The following SH2D4A variants were observed in gnomAD, a reference collection of about 807,000 sequenced individuals.
SH2D4A encodes the protein SH2 domain containing 4A, also known as SH2 domain-containing protein 4A.
A neutral mutation model predicts 64.7 loss-of-function variants in SH2D4A; 70 were observed. The ratio of observed to expected loss-of-function variants is 1.08; its 90% CI spans 0.89 to 1.32. SH2D4A has a LOEUF of 1.32. SH2D4A is among the 40% of genes most tolerant of loss of function. The probability of loss-of-function intolerance (pLI) is 0.00; values close to 1 mark genes in which losing one functional copy is unlikely to be tolerated. For missense variants in SH2D4A, 706 were observed against 540.1 expected (o/e 1.31, Z -3.04); for synonymous variants, 268 against 200.7 (o/e 1.34, Z -2.83).
chr8:19,352,181 A>G (rs2052716046), intron 4 of SH2D4A, among the ~76,000 whole-genome samples: 1 of 152,238 alleles, frequency 6.6e-6, no homozygotes, highest in Non-Finnish European at 1.5e-5. Flanking sequence ...TTCTCATTTG[A>G]CAGACAGACT....
At chr8:19,391,992 G>A (rs528885854) in intron 8 of SH2D4A, among the ~76,000 whole-genome samples, 2 of 152,130 alleles carry the variant, frequency 1.3e-5, no homozygotes, top group African/African-American at 4.8e-5. Flanking sequence ...CCAGATCTCA[G>A]CTCACTGAAT....
intron 2 of SH2D4A, among the ~76,000 whole-genome samples, 172 bp downstream of exon 2, chr8:19,319,900 C>T (rs2052158948): frequency 6.6e-6 from 1 of 152,210 alleles, no homozygotes; most frequent in Non-Finnish European, 1.5e-5. Context: ...AGTCTACACA[C>T]ACACACACAG....
At chr8:19,372,542 G>A (rs2053121313) in intron 7 of SH2D4A, among the ~76,000 whole-genome samples, 2 of 152,184 alleles carry the variant, frequency 1.3e-5, no homozygotes, top group South Asian at 2.1e-4. Flanking sequence ...TGGCTGGAGA[G>A]CACATCTCAT....
chr8:19,336,214 G>A (rs1393998454), intron 4 of SH2D4A, among the ~76,000 whole-genome samples: 1 of 152,152 alleles, frequency 6.6e-6, no homozygotes, highest in Non-Finnish European at 1.5e-5. Flanking sequence ...TCAAACCCAG[G>A]TCTGCAGGAC....
intron 5 of SH2D4A, among the ~76,000 whole-genome samples, chr8:19,358,895 T>C (rs924261048): frequency 3.9e-5 from 6 of 152,034 alleles, no homozygotes; most frequent in Non-Finnish European, 8.8e-5. Context: ...CACATCTGGG[T>C]CTCCACACCT....
At chr8:19,379,862 G>A (rs898057310) in intron 8 of SH2D4A, among the ~76,000 whole-genome samples, 11 of 151,892 alleles carry the variant, frequency 7.2e-5, no homozygotes, top group African/African-American at 1.9e-4. Flanking sequence ...TCAGCCTCCC[G>A]AGCAGCTGGA....
chr8:19,389,011 T>A (rs1220962402), intron 8 of SH2D4A, among the ~76,000 whole-genome samples: 2 of 152,282 alleles, frequency 1.3e-5, no homozygotes, highest in East Asian at 1.9e-4. Flanking sequence ...AAACCCTGCA[T>A]TGACCACTTG....
At chr8:19,350,590 C>T (rs1014693734) in intron 4 of SH2D4A, among the ~76,000 whole-genome samples, 1 of 152,068 alleles carries the variant, frequency 6.6e-6, no homozygotes, top group Admixed American at 6.5e-5. Flanking sequence ...CTCAGGTGAT[C>T]CTCCCACCCT....
At position 19,313,834 on chromosome 8, in the gene SH2D4A, G is replaced by C. The variant is rs1420261157; in HGVS notation, c.-205+11G>C. 5.4e-6 allele frequency: 8 copies of C among 1,483,238 alleles called. No individual in the cohort carries two copies. Among genetic ancestry groups the C allele is most frequent in the Non-Finnish European group, 7.1e-6 (8 of 1,123,450 alleles). The allele number at this position is 1,483,238 out of a possible 1,614,324, so 91.9% of individuals were successfully genotyped here. On this transcript the variant is annotated intron_variant, in intron 1 of 9. Transcript: ENST00000265807. ...GGGCGCCCAGCACTGGTAGGTGCTG[G>C]GGGTGGGGCGAGGCTTTGGGGAGAG...
intron 4 of SH2D4A, among the ~76,000 whole-genome samples, chr8:19,338,264 C>G (rs567163745): frequency 2.6e-5 from 4 of 152,316 alleles, no homozygotes; most frequent in African/African-American, 9.6e-5. Context: ...AATCCTGCAT[C>G]CCTCACCTCC....
intron 8 of SH2D4A, among the ~76,000 whole-genome samples, chr8:19,387,430 G>C (rs905328536): frequency 2.0e-5 from 3 of 151,990 alleles, no homozygotes; most frequent in African/African-American, 7.2e-5. Flanking sequence ...TGTAGAGATG[G>C]GGTCTTGCCA....
chr8:19,369,490 T>C (rs1354017486), intron 7 of SH2D4A, among the ~76,000 whole-genome samples: 1 of 152,100 alleles, frequency 6.6e-6, no homozygotes, highest in East Asian at 1.9e-4. Context: ...TAGGACACTT[T>C]ATTAATGATT....
intron 9 of SH2D4A, among the ~76,000 whole-genome samples, chr8:19,394,099 G>A (rs1003434860): frequency 1.8e-4 from 28 of 152,202 alleles, no homozygotes; most frequent in South Asian, 4.2e-4. Flanking sequence ...CCTAAGGAGC[G>A]CACAACTGAG....
intron 4 of SH2D4A, among the ~76,000 whole-genome samples, chr8:19,349,119 G>C (rs2052658074): frequency 6.6e-6 from 1 of 152,304 alleles, no homozygotes; most frequent in East Asian, 1.9e-4. Flanking sequence ...TAGTATACAT[G>C]AAGGAAGCAT....
rs79322324 is a variant in SH2D4A, at chr8:19,334,615, G to A, written c.342-71G>A. On this transcript the variant is annotated intron_variant, in intron 3 of 9. Coordinates refer to ENST00000265807, the MANE Select transcript of SH2D4A (RefSeq NM_022071.4). Reference sequence around the variant, plus strand: ...CTGTTTTTCACATAATTTGAATGTCGACATATGCTTTGGAAAGGCTCTTCC... The same window carrying A: ...CTGTTTTTCACATAATTTGAATGTCAACATATGCTTTGGAAAGGCTCTTCC... The A allele has an allele frequency of 6.3e-4, 933 of 1,485,226 alleles. 28 individuals carry two copies. The East Asian group carries it at 0.021, about 33-fold the overall frequency. 92.0% of individuals were successfully genotyped at this position (1,485,226 alleles called of 1,614,324 possible).
intron 8 of SH2D4A, among the ~76,000 whole-genome samples, chr8:19,386,802 CAG>C (rs1230363875): frequency 6.6e-6 from 1 of 152,164 alleles, no homozygotes; most frequent in Non-Finnish European, 1.5e-5. Context: ...AAAAAAAAGA[CAG>C]GGTGTTGCTC....
intron 4 of SH2D4A, among the ~76,000 whole-genome samples, chr8:19,339,463 G>T: frequency 6.9e-6 from 1 of 145,524 alleles, no homozygotes; most frequent in African/African-American, 2.5e-5. Flanking sequence ...CAGATATTTA[G>T]TTAGCTCACT....
chr8:19,339,495 CTTTTTTT>C (rs5889867), intron 4 of SH2D4A, among the ~76,000 whole-genome samples: 4 of 129,026 alleles, frequency 3.1e-5, no homozygotes, highest in Admixed American at 1.7e-4. Context: ...TATAAACTTT[CTTTTTTT>C]TTTTTTTTTT....
intron 8 of SH2D4A, among the ~76,000 whole-genome samples, chr8:19,388,974 G>A (rs1029207323): frequency 1.3e-5 from 2 of 152,182 alleles, no homozygotes; most frequent in African/African-American, 2.4e-5. Context: ...AACTAGCTGA[G>A]TACACAGATG....
Sources: gnomAD v4.1 joint callset for allele counts (sites outside exome capture counted in the v4.1 genomes callset) on GRCh38, gnomAD v4.1.1 for gene constraint, MANE v1.5 for transcripts, NCBI Gene and HGNC (gene_info 2026-07-23, HGNC 2026-07-21) for gene names.